MYO18A: variants seen among roughly 807,000 people sequenced by gnomAD.
MYO18A encodes unconventional myosin-XVIIIa.
Under a neutral mutation model 235.8 loss-of-function variants are expected in MYO18A, and 78 were observed. The ratio of observed to expected loss-of-function variants is 0.33; its 90% CI spans 0.28 to 0.40. The LOEUF is 0.40. MYO18A is among the 10% of genes least tolerant of loss of function. MYO18A has a pLI of 1.00. For synonymous variants in MYO18A, 977 were observed against 1,077.8 expected, an observed-to-expected ratio of 0.91 and a Z score of 1.83; for missense variants, 2,215 against 2,699.3, an observed-to-expected ratio of 0.82 and a Z score of 3.98.
chr17:29,115,318 C>G (rs1227578833), intron 13 of MYO18A, 33 bp downstream of exon 13: 1 of 1,610,544 alleles, frequency 6.2e-7, no homozygotes. Context: ...TCTGCCAAAG[C>G]AGGAAAAGCC....
In MYO18A at chr17:29,166,291, G is replaced by A; in HGVS notation, c.650C>T (p.Thr217Ile). 1 of 1,612,762 alleles carries A rather than the reference G, an allele frequency of 6.2e-7. No individual in the cohort carries two copies. The highest frequency in any genetic ancestry group is 8.5e-7 in the Non-Finnish European group (1 of 1,179,868). ...LPPVVPLPPPTLRELELQRRP... is the reference protein window; with the variant it reads ...LPPVVPLPPPILRELELQRRP... The stretch of plus-strand genomic sequence containing the variant: ...TCGTTGCAGCTCCAGCTCCCGGAGG[G>A]TAGGTGGGGGCAGGGGCACCACGGG... Residue 217 changes from threonine to isoleucine, a missense_variant, in exon 2 of 42, where the codon ACC becomes ATC. Physicochemically the swap from Thr to Ile is moderately conservative, Grantham distance 89. Coordinates refer to ENST00000527372, the MANE Select transcript of MYO18A (RefSeq NM_078471.4).
In MYO18A at chr17:29,135,620, T is replaced by C. The variant is rs369021245; in HGVS notation, c.1000-13367A>G. 1.1e-4 allele frequency among the ~76,000 whole-genome samples: 17 copies of C among 152,366 alleles called. No individual in the cohort carries two copies. In the East Asian group the frequency reaches 3.1e-3, roughly 28 times the overall value. ...TTCCTACTTGTCTATAGAGGTCCCA[T>C]CTGGCCCAGGCTGTGAGGACACCGG... On this transcript the variant is annotated intron_variant, in intron 2 of 41. Coordinates refer to ENST00000527372, the MANE Select transcript of MYO18A (RefSeq NM_078471.4).
intron 2 of MYO18A, among the ~76,000 whole-genome samples, chr17:29,157,121 G>A (rs185791770): frequency 4.6e-5 from 7 of 152,330 alleles, no homozygotes; most frequent in Admixed American, 2.6e-4. Flanking sequence ...GAGGGGCAAC[G>A]TCCCAGACTC....
intron 20 of MYO18A, among the ~76,000 whole-genome samples, chr17:29,104,843 C>T (rs943864946): frequency 3.9e-5 from 6 of 151,908 alleles, no homozygotes; most frequent in Admixed American, 2.0e-4. Flanking sequence ...CCAGAAAGAA[C>T]GGAGCCCCAT....
intron 41 of MYO18A, chr17:29,077,772 G>C (rs1381571833): frequency 6.6e-6 from 1 of 152,500 alleles, no homozygotes; most frequent in East Asian, 1.9e-4. Flanking sequence ...GTGGGGTCAA[G>C]GGTGATGGTG....
intron 2 of MYO18A, among the ~76,000 whole-genome samples, chr17:29,133,359 T>C (rs912081504): frequency 2.6e-5 from 4 of 152,218 alleles, no homozygotes; most frequent in Non-Finnish European, 5.9e-5. Context: ...AATCACCCTC[T>C]GGACCCAGGT....
intron 23 of MYO18A, 135 bp from the exon 24 acceptor site, chr17:29,098,580 C>A: frequency 1.8e-6 from 2 of 1,116,670 alleles, no homozygotes; most frequent in Admixed American, 2.1e-5. Flanking sequence ...TCCCCAATAG[C>A]AGAGCCACTG....
At chr17:29,171,905 GA>G (rs71762070) in intron 1 of MYO18A, among the ~76,000 whole-genome samples, 4,607 of 103,266 alleles carry the variant, frequency 0.045, 83 homozygotes, top group Non-Finnish European at 0.052. Flanking sequence ...AAGAAAGAAA[GA>G]AAAAAAAAAA....
At chr17:29,148,257 C>A (rs571174021) in intron 2 of MYO18A, among the ~76,000 whole-genome samples, 104 of 152,336 alleles carry the variant, frequency 6.8e-4, no homozygotes, top group African/African-American at 2.3e-3. Context: ...AGTCTATAAG[C>A]ACTGTTGCCA....
intron 2 of MYO18A, among the ~76,000 whole-genome samples, chr17:29,129,807 C>G (rs1222412570): frequency 1.3e-5 from 2 of 152,114 alleles, no homozygotes; most frequent in Non-Finnish European, 2.9e-5. Context: ...TAATCTAGGC[C>G]CTGGTTACAG....
chr17:29,106,035 T>C lies in MYO18A; in HGVS notation c.3441+1045A>G, dbSNP rs1237618506. On this transcript the variant is annotated intron_variant, in intron 20 of 41. Coordinates refer to ENST00000527372, the MANE Select transcript of MYO18A (RefSeq NM_078471.4). The surrounding 1 kb of genome is among the most constrained non-coding windows in gnomAD (Gnocchi z 4.6). ...GGAGACAATTCACAGAGAAATGGAG[T>C]GTGATCCAGAAAGAGAGGTTCTGAT... is the stretch of plus-strand genomic sequence containing the variant. 2.6e-5 allele frequency among the ~76,000 whole-genome samples: 4 copies of C among 151,396 alleles called. No individual in the cohort carries two copies. Among genetic ancestry groups the C allele is most frequent in the Non-Finnish European group, 4.4e-5 (3 of 67,862 alleles).
At chr17:29,103,779 C>T in intron 20 of MYO18A, 115 bp from the exon 21 acceptor site, 2 of 967,946 alleles carry the variant, frequency 2.1e-6, no homozygotes, top group Non-Finnish European at 3.2e-6. Flanking sequence ...GTTATTCATG[C>T]ACTTGCGTGG....
Position 29,074,686 on chromosome 17 carries a change from G to T in MYO18A, c.*84C>A. ...TGCAGATCAGCAGTCGGGTGGGGGA[G>T]ACCGGTGCCCCACCACTTCCTGGGA... is the stretch of plus-strand genomic sequence containing the variant. On this transcript the variant is annotated 3_prime_UTR_variant, in exon 42 of 42. Coordinates refer to ENST00000527372, the MANE Select transcript of MYO18A (RefSeq NM_078471.4). The surrounding 1 kb of genome is among the most constrained non-coding windows in gnomAD (Gnocchi z 4.4). 6.8e-7 allele frequency: 1 copy of T among 1,472,502 alleles called. No individual in the cohort carries two copies. The highest frequency in any genetic ancestry group is 1.2e-5 in the South Asian group (1 of 84,506). The allele number at this position is 1,472,502 out of a possible 1,614,324, so 91.2% of individuals were successfully genotyped here.
At chr17:29,088,919 T>C (rs954147304) in intron 37 of MYO18A, among the ~76,000 whole-genome samples, 2 of 151,748 alleles carry the variant, frequency 1.3e-5, no homozygotes, top group Non-Finnish European at 2.9e-5. Context: ...ATGCCTGTGG[T>C]CCCAGCTACA....
Position 29,158,541 on chromosome 17 carries a change from A to C in MYO18A, c.999+7401T>G, listed in dbSNP as rs558338812. On this transcript the variant is annotated intron_variant, in intron 2 of 41. Coordinates refer to ENST00000527372, the MANE Select transcript of MYO18A (RefSeq NM_078471.4). The surrounding 1 kb of genome is among the most constrained non-coding windows in gnomAD (Gnocchi z 4.3). ...GCTGTCTGGCATGGTGGGCGCCCTC[A>C]GTGCTGCCAGATGCCTGGGGCACAA... is the stretch of plus-strand genomic sequence containing the variant. Among the ~76,000 whole-genome samples the C allele has an allele frequency of 4.6e-5, 7 of 152,254 alleles. No homozygotes were observed. Among genetic ancestry groups the C allele is most frequent in the African/African-American group, 1.7e-4 (7 of 41,560 alleles).
chr17:29,123,799 A>G lies in MYO18A; in HGVS notation c.1000-1546T>C, dbSNP rs142626228. The stretch of plus-strand genomic sequence containing the variant: ...TGCAGTGGCTCACACCTGTAATCAC[A>G]GCACTTTGGGAGGCTGAGGTGGGTG... On this transcript the variant is annotated intron_variant, in intron 2 of 41. Transcript: ENST00000527372. Among the ~76,000 whole-genome samples, 3 of 152,370 alleles carry G rather than the reference A, an allele frequency of 2.0e-5. No homozygotes were observed. The East Asian group carries it at 5.8e-4, about 29-fold the overall frequency.
intron 2 of MYO18A, among the ~76,000 whole-genome samples, chr17:29,134,243 A>T (rs1166008720): frequency 6.6e-6 from 1 of 151,990 alleles, no homozygotes; most frequent in African/African-American, 2.4e-5. Context: ...CAACACGCCC[A>T]GCTAATTTTT....
At chr17:29,076,740 G>A (rs1330397387) in intron 41 of MYO18A, 1 of 152,226 alleles carries the variant, frequency 6.6e-6, no homozygotes, top group Non-Finnish European at 1.5e-5. Flanking sequence ...TTCTAAATTA[G>A]TGGGAGCCTG....
chr17:29,093,993 G>C lies in MYO18A; in HGVS notation c.4808C>G (p.Ser1603Trp), dbSNP rs775010411. 1.2e-6 allele frequency: 2 copies of C among 1,608,784 alleles called. No homozygotes were observed. The highest frequency in any genetic ancestry group is 1.1e-5 in the South Asian group (1 of 89,708). Reference sequence around the variant, plus strand: ...CAGATACCTTACCTTCTTCTGACACGACTGCCGGGCCTCCTCCACCTCCTC... The same window carrying C: ...CAGATACCTTACCTTCTTCTGACACCACTGCCGGGCCTCCTCCACCTCCTC... ...RDEEVEEARQ[S>W]CQKKLKQMEV... Residue 1603 changes from serine to tryptophan, a missense_variant, in exon 31 of 42, where the codon TCG becomes TGG. Transcript: ENST00000527372.
Sources: allele counts gnomAD v4.1 joint callset (sites outside exome capture counted in the v4.1 genomes callset), GRCh38; gene constraint gnomAD v4.1.1; non-coding constraint Gnocchi (gnomAD v3.1); transcripts MANE v1.5; gene names NCBI Gene and HGNC (gene_info 2026-07-23, HGNC 2026-07-21).